LRP1B: variants seen among roughly 807,000 people sequenced by gnomAD.
The protein encoded by LRP1B is LDL receptor related protein 1B, also known as low-density lipoprotein receptor-related protein 1B.
Under a neutral mutation model 556.6 loss-of-function variants are expected in LRP1B, and 217 were observed. The observed-to-expected ratio is 0.39, with a 90% CI of 0.35 to 0.44. The LOEUF (loss-of-function observed/expected upper bound fraction) is 0.44. Among genes scored for constraint, LRP1B ranks in the 20% least tolerant of loss-of-function variants. The pLI, the probability that LRP1B is intolerant of heterozygous loss-of-function variation, is 1.00. For synonymous variants in LRP1B, 2,047 were observed against 1,865.8 expected (o/e 1.10, Z -2.50); for missense variants, 5,053 against 5,620.8 (o/e 0.90, Z 3.23).
chr2:141,349,583 T>A (rs780288313), intron 3 of LRP1B, among the ~76,000 whole-genome samples: 33 of 152,114 alleles, frequency 2.2e-4, no homozygotes, highest in Non-Finnish European at 4.9e-4. Context: ...CAGAAAAATG[T>A]CTTATAGACA....
chr2:141,835,445 C>T (rs1697245840), intron 1 of LRP1B, among the ~76,000 whole-genome samples: 1 of 150,892 alleles, frequency 6.6e-6, no homozygotes, highest in African/African-American at 2.4e-5. Flanking sequence ...AGATTCTTCA[C>T]CCAAATGAAA....
chr2:141,687,128 C>A (rs1044535775), intron 2 of LRP1B, among the ~76,000 whole-genome samples: 3 of 151,932 alleles, frequency 2.0e-5, no homozygotes, highest in Non-Finnish European at 4.4e-5. Flanking sequence ...TGATTAAATG[C>A]AATAATAACT....
rs561164269 is a variant in LRP1B, at chr2:140,588,949, C to T, written c.7194+9682G>A. Among the ~76,000 whole-genome samples, 23 of 136,644 alleles carry T rather than the reference C, an allele frequency of 1.7e-4. No individual in the cohort carries two copies. In the South Asian group the frequency reaches 4.1e-3, roughly 24 times the overall value. 89.6% of individuals were successfully genotyped at this position (136,644 alleles called of 152,430 possible). A position where few individuals can be genotyped will look rare whatever the true frequency, so the allele number is the denominator to read the frequency against. On this transcript the variant is annotated intron_variant, in intron 43 of 90. Coordinates refer to ENST00000389484, the MANE Select transcript of LRP1B (RefSeq NM_018557.3). The stretch of plus-strand genomic sequence containing the variant: ...ACTCCATCCAGCCTGGGCAACAGAA[C>T]GAGACTCCGTCTCAAAGAAAAAAAA...
intron 35 of LRP1B, among the ~76,000 whole-genome samples, chr2:140,756,145 CT>C (rs1688735048): frequency 6.6e-6 from 1 of 151,854 alleles, no homozygotes. Flanking sequence ...AAAATTTATA[CT>C]CTGAAAACTG....
chr2:141,983,463 C>A (rs1386421998), intron 1 of LRP1B, among the ~76,000 whole-genome samples: 1 of 151,840 alleles, frequency 6.6e-6, no homozygotes, highest in African/African-American at 2.4e-5. Context: ...TTTTTTTTTA[C>A]TGAGCCCCTA....
At chr2:140,603,928 C>T (rs758102072) in intron 41 of LRP1B, among the ~76,000 whole-genome samples, 16 of 151,860 alleles carry the variant, frequency 1.1e-4, no homozygotes, top group African/African-American at 1.7e-4. Context: ...GATTATTTAT[C>T]GACAGTGAGA....
chr2:141,745,672 C>G (rs898504390), intron 2 of LRP1B, among the ~76,000 whole-genome samples: 4 of 151,838 alleles, frequency 2.6e-5, no homozygotes, highest in Non-Finnish European at 4.4e-5. Flanking sequence ...GGTGCCCTCC[C>G]CAACTGTGGT....
chr2:141,094,337 A>G (rs1700242652), intron 7 of LRP1B, among the ~76,000 whole-genome samples: 1 of 152,136 alleles, frequency 6.6e-6, no homozygotes, highest in African/African-American at 2.4e-5. Flanking sequence ...TTCTTACCCA[A>G]ACCTTATAAC....
intron 7 of LRP1B, among the ~76,000 whole-genome samples, chr2:141,150,835 C>A (rs1701903020): frequency 6.8e-6 from 1 of 146,238 alleles, no homozygotes; most frequent in African/African-American, 2.5e-5. Flanking sequence ...AACTTCTCTT[C>A]ATTTGCAGAT....
intron 1 of LRP1B, among the ~76,000 whole-genome samples, chr2:142,115,508 TATATATTAC>T (rs1707166540): frequency 1.1e-5 from 1 of 92,012 alleles, no homozygotes; most frequent in African/African-American, 4.2e-5. Flanking sequence ...TAATATATAT[TATATATTAC>T]ATATATAATA....
At chr2:141,707,162 T>G (rs1005204365) in intron 2 of LRP1B, among the ~76,000 whole-genome samples, 15 of 152,124 alleles carry the variant, frequency 9.9e-5, no homozygotes, top group Non-Finnish European at 2.1e-4. Flanking sequence ...ACTATGACTT[T>G]ACCTTCTGGA....
At chr2:141,370,240 G>T (rs1476741251) in intron 3 of LRP1B, among the ~76,000 whole-genome samples, 1 of 152,070 alleles carries the variant, frequency 6.6e-6, no homozygotes, top group African/African-American at 2.4e-5. Flanking sequence ...TTCCATAGAG[G>T]TCGTACTAAT....
intron 1 of LRP1B, among the ~76,000 whole-genome samples, chr2:141,827,614 T>C (rs909957449): frequency 1.4e-4 from 22 of 152,096 alleles, no homozygotes; most frequent in African/African-American, 4.3e-4. Flanking sequence ...TATTTAGATA[T>C]TGTTTGAGCA....
At chr2:140,570,258 A>T (rs1681275008) in intron 43 of LRP1B, among the ~76,000 whole-genome samples, 1 of 151,552 alleles carries the variant, frequency 6.6e-6, no homozygotes, top group South Asian at 2.1e-4. Flanking sequence ...TTTTACAAAA[A>T]GGTAAACAAA....
intron 3 of LRP1B, among the ~76,000 whole-genome samples, chr2:141,294,762 TA>T (rs1482503951): frequency 6.6e-6 from 1 of 150,474 alleles, no homozygotes; most frequent in Non-Finnish European, 1.5e-5. Flanking sequence ...AATAGAAACC[TA>T]AAACAAAAAT....
chr2:141,454,487 C>CA (rs1681554909), intron 3 of LRP1B, among the ~76,000 whole-genome samples: 1 of 152,146 alleles, frequency 6.6e-6, no homozygotes, highest in Admixed American at 6.5e-5. Context: ...ATGGTCTGTG[C>CA]AGACCAACCA....
At chr2:140,558,101 G>A (rs1044753133) in intron 43 of LRP1B, among the ~76,000 whole-genome samples, 1 of 152,092 alleles carries the variant, frequency 6.6e-6, no homozygotes, top group Non-Finnish European at 1.5e-5. Flanking sequence ...TGGCTATCAT[G>A]GAAAAGATAA....
At chr2:141,653,369 T>C (rs1255288969) in intron 2 of LRP1B, among the ~76,000 whole-genome samples, 2 of 152,162 alleles carry the variant, frequency 1.3e-5, no homozygotes, top group Non-Finnish European at 2.9e-5. Flanking sequence ...CAATTTATAA[T>C]GGCTCAAGAA....
rs141247143 is a variant in LRP1B, at chr2:140,975,737, A to G, written c.2887+6423T>C. Among the ~76,000 whole-genome samples, 558 of 152,278 alleles carry G rather than the reference A, an allele frequency of 3.7e-3. 3 individuals are homozygous for G. The highest frequency in any genetic ancestry group is 0.01 in the Middle Eastern group (3 of 294). ...TTCCACTGGATTACTACTCCTCATTATATGGTTACACACATATGCAGGTTT... is the reference window on the plus strand; with the variant it reads ...TTCCACTGGATTACTACTCCTCATTGTATGGTTACACACATATGCAGGTTT... On this transcript the variant is annotated intron_variant, in intron 18 of 90. Transcript: ENST00000389484.
Sources: allele counts gnomAD v4.1 joint callset (sites outside exome capture counted in the v4.1 genomes callset), GRCh38; gene constraint gnomAD v4.1.1; transcripts MANE v1.5; gene names NCBI Gene and HGNC (gene_info 2026-07-23, HGNC 2026-07-21).